Variants in WNT3A observed in about 807,000 individuals in gnomAD.
WNT3A encodes Wnt family member 3A.
In WNT3A, 17 loss-of-function variants were observed where a neutral mutation model predicts 37.0. The observed-to-expected ratio is 0.46, with a 90% CI of 0.31 to 0.69. The LOEUF (loss-of-function observed/expected upper bound fraction) is 0.69, where lower values mean the gene tolerates loss of function less well. WNT3A is among the 30% of genes least tolerant of loss of function. The pLI, the probability that WNT3A is intolerant of heterozygous loss-of-function variation, is 0.05. For missense variants in WNT3A, 411 were observed against 510.2 expected (o/e 0.81, Z 1.87); for synonymous variants, 187 against 211.0 (o/e 0.89, Z 0.99).
At position 228,060,002 on chromosome 1, in the gene WNT3A, C is replaced by G; in HGVS notation, c.*537C>G. 1 of 1,155,954 alleles carries G rather than the reference C, an allele frequency of 8.7e-7. No homozygotes were observed. Among genetic ancestry groups the G allele is most frequent in the South Asian group, 1.7e-5 (1 of 57,226 alleles). 71.6% of individuals were successfully genotyped at this position (1,155,954 alleles called of 1,614,324 possible). ...GGTTTTATGGTGGATGAGGCTTCTTCCTGGATGGGGCAGAGCTTCTCCTGA... is the reference window on the plus strand; with the variant it reads ...GGTTTTATGGTGGATGAGGCTTCTTGCTGGATGGGGCAGAGCTTCTCCTGA... On this transcript the variant is annotated 3_prime_UTR_variant, in exon 4 of 4. Transcript: ENST00000284523.
At position 228,050,171 on chromosome 1, in the gene WNT3A, C is replaced by A. The variant is rs1180661642; in HGVS notation, c.314-485C>A. Among the ~76,000 whole-genome samples, 1 of 151,908 alleles carries A rather than the reference C, an allele frequency of 6.6e-6. No homozygotes were observed. Among genetic ancestry groups the A allele is most frequent in the Non-Finnish European group, 1.5e-5 (1 of 67,988 alleles). ...GGCTCAAGTGATCCTCCCGCCTCAG[C>A]CTCCCAAGTAGTTGGGGCCACATCC... On this transcript the variant is annotated intron_variant, in intron 2 of 3. Transcript: ENST00000284523. The surrounding 1 kb of genome is among the most constrained non-coding windows in gnomAD (Gnocchi z 5.0).
At position 228,050,622 on chromosome 1, in the gene WNT3A, C is replaced by G; in HGVS notation, c.314-34C>G. The G allele has an allele frequency of 6.4e-7, 1 of 1,551,390 alleles. No individual in the cohort carries two copies. On this transcript the variant is annotated intron_variant, in intron 2 of 3. Coordinates refer to ENST00000284523, the MANE Select transcript of WNT3A (RefSeq NM_033131.4). This position sits in a 1 kb window ranked among gnomAD's most constrained non-coding sequence, Gnocchi z 5.0. ...GCCCAAGGCGGTCCTTTGAGCTGAGCCCTGTTAACCCTGCATCTCTCCTCT... is the reference window on the plus strand; with the variant it reads ...GCCCAAGGCGGTCCTTTGAGCTGAGGCCTGTTAACCCTGCATCTCTCCTCT...
At chr1:228,058,450 T>TCC (rs2031724742) in intron 3 of WNT3A, among the ~76,000 whole-genome samples, 1 of 152,210 alleles carries the variant, frequency 6.6e-6, no homozygotes, top group African/African-American at 2.4e-5. Flanking sequence ...CTCAGCGAGG[T>TCC]CCTGCCCGGT....
At chr1:228,054,042 C>T (rs1317819097) in intron 3 of WNT3A, among the ~76,000 whole-genome samples, 1 of 152,118 alleles carries the variant, frequency 6.6e-6, no homozygotes, top group African/African-American at 2.4e-5. Context: ...ACAGAGGTTG[C>T]ACTGCATTTC....
chr1:228,030,434 TAATA>T lies in WNT3A; in HGVS notation c.313+7537_313+7540del, dbSNP rs944852251. Among the ~76,000 whole-genome samples the T allele has an allele frequency of 7.1e-3, 1,060 of 149,106 alleles. 18 individuals are homozygous for T. The highest frequency in any genetic ancestry group is 0.025 in the African/African-American group (1,018 of 40,670). Reference sequence around the variant, plus strand: ...GGAAAAATATAAATAAATAAACAAATAATAAATAAATAAAAAGGAACCTCTCAGT... The same window carrying T: ...GGAAAAATATAAATAAATAAACAAATAATAAATAAAAAGGAACCTCTCAGT... On this transcript the variant is annotated intron_variant, in intron 2 of 3. Coordinates refer to ENST00000284523, the MANE Select transcript of WNT3A (RefSeq NM_033131.4).
intron 2 of WNT3A, among the ~76,000 whole-genome samples, chr1:228,049,125 C>T (rs7542462): frequency 0.012 from 1,782 of 152,268 alleles, 37 homozygotes; most frequent in African/African-American, 0.041. Context: ...CCTGGGGAGG[C>T]GGGCACTGGA....
intron 3 of WNT3A, among the ~76,000 whole-genome samples, chr1:228,053,069 TTTCCTGCCATATGAGGACATGATG>T (rs1411823705): frequency 6.6e-5 from 10 of 152,324 alleles, no homozygotes; most frequent in African/African-American, 2.4e-4. Flanking sequence ...TTTCTATTAC[TTTCCTGCCATATGAGGACATGATG>T]TTCCTCCCTT....
chr1:228,034,968 C>G (rs2031098689), intron 2 of WNT3A, among the ~76,000 whole-genome samples: 1 of 152,092 alleles, frequency 6.6e-6, no homozygotes, highest in Admixed American at 6.5e-5. Flanking sequence ...GACAGCATCC[C>G]TATAGCATAT....
intron 2 of WNT3A, among the ~76,000 whole-genome samples, chr1:228,026,935 T>C (rs2102767189): frequency 6.6e-6 from 1 of 152,256 alleles, no homozygotes; most frequent in Non-Finnish European, 1.5e-5. Flanking sequence ...CTCCACCTCC[T>C]GGTTTCAAGC....
chr1:228,050,959 A>AG lies in WNT3A; in HGVS notation c.579+39dup. The AG allele has an allele frequency of 2.0e-6, 3 of 1,497,020 alleles. No individual in the cohort carries two copies. Among genetic ancestry groups the AG allele is most frequent in the Non-Finnish European group, 2.7e-6 (3 of 1,126,614 alleles). The allele number at this position is 1,497,020 out of a possible 1,614,324, so 92.7% of individuals were successfully genotyped here. Reference sequence around the variant, plus strand: ...CCCGCAAGGGTGCTTGGGAAAAAGGAGCCTCCTCAGCAGGGTGTGTGCCCT... The same window carrying AG: ...CCCGCAAGGGTGCTTGGGAAAAAGGAGGCCTCCTCAGCAGGGTGTGTGCCCT... On this transcript the variant is annotated intron_variant, in intron 3 of 3. Coordinates refer to ENST00000284523, the MANE Select transcript of WNT3A (RefSeq NM_033131.4). The surrounding 1 kb of genome is among the most constrained non-coding windows in gnomAD (Gnocchi z 5.0).
chr1:228,027,800 TG>T (rs2030889141), intron 2 of WNT3A, among the ~76,000 whole-genome samples: 2 of 152,216 alleles, frequency 1.3e-5, no homozygotes, highest in East Asian at 3.8e-4. Context: ...TATTTATTTT[TG>T]TTTTTGTTGC....
chr1:228,040,738 T>C (rs1035058579), intron 2 of WNT3A, among the ~76,000 whole-genome samples: 3 of 151,490 alleles, frequency 2.0e-5, no homozygotes, highest in Non-Finnish European at 2.9e-5. Flanking sequence ...AAAAAAAAAT[T>C]ACCTGGGCAT....
In WNT3A at chr1:228,007,237, C is replaced by T; in HGVS notation, c.71+38C>T. 2 of 1,573,422 alleles carry T rather than the reference C, an allele frequency of 1.3e-6. No individual in the cohort carries two copies. Among genetic ancestry groups the T allele is most frequent in the South Asian group, 1.2e-5 (1 of 86,286 alleles). Reference sequence around the variant, plus strand: ...CCTCGCGTTCGCCCCTGCCCCTGTGCGCCGCGCCCGCAGCAGACGGTCCCC... The same window carrying T: ...CCTCGCGTTCGCCCCTGCCCCTGTGTGCCGCGCCCGCAGCAGACGGTCCCC... On this transcript the variant is annotated intron_variant, in intron 1 of 3. Coordinates refer to ENST00000284523, the MANE Select transcript of WNT3A (RefSeq NM_033131.4). This position sits in a 1 kb window ranked among gnomAD's most constrained non-coding sequence, Gnocchi z 6.0.
In WNT3A at chr1:228,053,928, A is replaced by G. The variant is rs560981452; in HGVS notation, c.579+3007A>G. 2.2e-3 allele frequency among the ~76,000 whole-genome samples: 329 copies of G among 152,290 alleles called. 1 individual carries two copies. Among genetic ancestry groups the G allele is most frequent in the African/African-American group, 7.6e-3 (317 of 41,550 alleles). On this transcript the variant is annotated intron_variant, in intron 3 of 3. Coordinates refer to ENST00000284523, the MANE Select transcript of WNT3A (RefSeq NM_033131.4). ...ATGATTTTTAAGTGTCAAATAACTG[A>G]CCATCTAGTGAGGAATTAGCAGCCC...
chr1:228,043,339 A>G (rs560304420), intron 2 of WNT3A, among the ~76,000 whole-genome samples: 11 of 152,342 alleles, frequency 7.2e-5, no homozygotes, highest in Admixed American at 2.0e-4. Context: ...AAGTTCAGCC[A>G]GGCTCCTTCC....
At chr1:228,013,192 C>T (rs1259692623) in intron 1 of WNT3A, among the ~76,000 whole-genome samples, 9 of 152,116 alleles carry the variant, frequency 5.9e-5, no homozygotes, top group Non-Finnish European at 2.9e-5. Context: ...GGATTACAGG[C>T]TCGTGCCACT....
intron 3 of WNT3A, among the ~76,000 whole-genome samples, chr1:228,056,610 G>A (rs556515928): frequency 3.9e-5 from 6 of 152,188 alleles, no homozygotes; most frequent in Admixed American, 1.3e-4. Flanking sequence ...AAAAAGAGGA[G>A]GCAGTCAGCA....
Position 228,007,230 on chromosome 1 carries a change from C to A in WNT3A, c.71+31C>A. 1 of 1,585,172 alleles carries A rather than the reference C, an allele frequency of 6.3e-7. No homozygotes were observed. Among genetic ancestry groups the A allele is most frequent in the East Asian group, 2.3e-5 (1 of 42,666 alleles). ...TGAGCCTCCTCGCGTTCGCCCCTGC[C>A]CCTGTGCGCCGCGCCCGCAGCAGAC... On this transcript the variant is annotated intron_variant, in intron 1 of 3. Transcript: ENST00000284523. This position sits in a 1 kb window ranked among gnomAD's most constrained non-coding sequence, Gnocchi z 6.0.
rs889833564 is a variant in WNT3A at position 228,042,212 on chromosome 1, C to T, written c.314-8444C>T. ...CAGGATGGTCTCAATCTCTTGACCTCGTCATCTGCCCACCTCAGCCTCCCA... is the reference window on the plus strand; with the variant it reads ...CAGGATGGTCTCAATCTCTTGACCTTGTCATCTGCCCACCTCAGCCTCCCA... On this transcript the variant is annotated intron_variant, in intron 2 of 3. Transcript: ENST00000284523. The surrounding 1 kb of genome is among the most constrained non-coding windows in gnomAD (Gnocchi z 5.2). 6.6e-6 allele frequency among the ~76,000 whole-genome samples: 1 copy of T among 152,088 alleles called. No homozygotes were observed. The highest frequency in any genetic ancestry group is 2.1e-4 in the South Asian group (1 of 4,824).
Sources: gnomAD v4.1 joint callset for allele counts (sites outside exome capture counted in the v4.1 genomes callset) on GRCh38, gnomAD v4.1.1 for gene constraint, Gnocchi (gnomAD v3.1) non-coding constraint, MANE v1.5 for transcripts, NCBI Gene and HGNC (gene_info 2026-07-23, HGNC 2026-07-21) for gene names.